KIRREL3: variants seen among roughly 807,000 people sequenced by gnomAD.
The protein encoded by KIRREL3 is kirre like nephrin family adhesion molecule 3.
KIRREL3 carries 36 observed loss-of-function variants against 89.7 expected under a neutral mutation model. That is an observed-to-expected ratio of 0.40 (90% CI 0.31 to 0.53). KIRREL3 has a LOEUF of 0.53. KIRREL3 is among the 20% of genes least tolerant of loss of function. The probability of loss-of-function intolerance (pLI) is 0.49; values close to 1 mark genes in which losing one functional copy is unlikely to be tolerated. For missense variants in KIRREL3, 864 were observed against 1,056.6 expected (o/e 0.82, Z 2.53); for synonymous variants, 445 against 441.4 (o/e 1.01, Z -0.10).
chr11:126,955,194 G>A lies in KIRREL3; in HGVS notation c.55+45261C>T, dbSNP rs1948887051. Among the ~76,000 whole-genome samples the A allele has an allele frequency of 6.6e-6, 1 of 152,188 alleles. No individual in the cohort carries two copies. Among genetic ancestry groups the A allele is most frequent in the African/African-American group, 2.4e-5 (1 of 41,448 alleles). The stretch of plus-strand genomic sequence containing the variant: ...TAGGGGAAGGGGCCAACAGGGTAAC[G>A]TGGTAATGAAGGAGATGGCAAAGTG... On this transcript the variant is annotated intron_variant, in intron 1 of 16. Coordinates refer to ENST00000525144, the MANE Select transcript of KIRREL3 (RefSeq NM_032531.4). This position sits in a 1 kb window ranked among gnomAD's most constrained non-coding sequence, Gnocchi z 4.6.
rs140253102 is a variant in KIRREL3 at position 126,694,106 on chromosome 11, T to G, written c.56-131194A>C. On this transcript the variant is annotated intron_variant, in intron 1 of 16. Coordinates refer to ENST00000525144, the MANE Select transcript of KIRREL3 (RefSeq NM_032531.4). The surrounding 1 kb of genome is among the most constrained non-coding windows in gnomAD (Gnocchi z 4.4). ...TGAATTGGCAAGTTGCAGCAGGAGATGGGAGCATGGGCTCCATCCCTAAGG... is the reference window on the plus strand; with the variant it reads ...TGAATTGGCAAGTTGCAGCAGGAGAGGGGAGCATGGGCTCCATCCCTAAGG... 1.3e-5 allele frequency among the ~76,000 whole-genome samples: 2 copies of G among 152,222 alleles called. No homozygotes were observed. Among genetic ancestry groups the G allele is most frequent in the Non-Finnish European group, 2.9e-5 (2 of 68,034 alleles).
rs538093773 is a variant in KIRREL3, at chr11:126,819,298, C to A, written c.55+181157G>T. Among the ~76,000 whole-genome samples, 20 of 152,320 alleles carry A rather than the reference C, an allele frequency of 1.3e-4. No individual in the cohort carries two copies. The South Asian group carries it at 4.1e-3, about 32-fold the overall frequency. On this transcript the variant is annotated intron_variant, in intron 1 of 16. Coordinates refer to ENST00000525144, the MANE Select transcript of KIRREL3 (RefSeq NM_032531.4). ...CTGAGAGGCACTAAGGCTTTCCCAGCAGAGGTTCAGCCCTACCAGAGCCGC... is the reference window on the plus strand; with the variant it reads ...CTGAGAGGCACTAAGGCTTTCCCAGAAGAGGTTCAGCCCTACCAGAGCCGC...
In KIRREL3 at chr11:126,786,644, T is replaced by C. The variant is rs185001367; in HGVS notation, c.55+213811A>G. Among the ~76,000 whole-genome samples, 577 of 152,346 alleles carry C rather than the reference T, an allele frequency of 3.8e-3. 4 individuals carry two copies. The highest frequency in any genetic ancestry group is 6.3e-3 in the Non-Finnish European group (427 of 68,038). On this transcript the variant is annotated intron_variant, in intron 1 of 16. Coordinates refer to ENST00000525144, the MANE Select transcript of KIRREL3 (RefSeq NM_032531.4). ...GGAAACTTTTTCTTATCAAAATGAC[T>C]GAAGTTTTGTCATTTAGGCTAGTTG...
chr11:126,721,586 A>C (rs1948173296), intron 1 of KIRREL3, among the ~76,000 whole-genome samples: 1 of 152,132 alleles, frequency 6.6e-6, no homozygotes. Context: ...CATGCAAGAC[A>C]TCTAACACAG....
chr11:126,573,502 C>T (rs905685697), intron 1 of KIRREL3, among the ~76,000 whole-genome samples: 3 of 137,930 alleles, frequency 2.2e-5, no homozygotes, highest in South Asian at 2.7e-4. Flanking sequence ...GGAAAGTAGG[C>T]GGTGGGGTTA....
intron 1 of KIRREL3, among the ~76,000 whole-genome samples, chr11:126,894,990 C>T (rs989828127): frequency 6.6e-6 from 1 of 152,096 alleles, no homozygotes; most frequent in Non-Finnish European, 1.5e-5. Flanking sequence ...ATTCCATCCT[C>T]TCTGGGGATT....
At chr11:126,865,267 A>G (rs1944880299) in intron 1 of KIRREL3, among the ~76,000 whole-genome samples, 1 of 152,248 alleles carries the variant, frequency 6.6e-6, no homozygotes, top group South Asian at 2.1e-4. Context: ...ATCGGCTAAA[A>G]GCAAATTGAC....
chr11:126,597,708 CAG>C (rs756246336), intron 1 of KIRREL3, among the ~76,000 whole-genome samples: 2 of 152,208 alleles, frequency 1.3e-5, no homozygotes, highest in African/African-American at 4.8e-5. Context: ...CAGTGAAAAA[CAG>C]AGCCCTTGTG....
chr11:126,902,441 T>C (rs1031234278), intron 1 of KIRREL3, among the ~76,000 whole-genome samples: 4 of 152,252 alleles, frequency 2.6e-5, no homozygotes, highest in Non-Finnish European at 5.9e-5. Context: ...TTATGGGATA[T>C]ATAGTTGCTC....
At chr11:126,648,338 T>C (rs796821801) in intron 1 of KIRREL3, among the ~76,000 whole-genome samples, 10 of 152,326 alleles carry the variant, frequency 6.6e-5, no homozygotes, top group African/African-American at 2.4e-4. Context: ...TTCCTGAAAC[T>C]CACCAGGCAT....
intron 1 of KIRREL3, among the ~76,000 whole-genome samples, chr11:126,779,880 A>T (rs560709191): frequency 6.6e-6 from 1 of 152,178 alleles, no homozygotes; most frequent in East Asian, 1.9e-4. Context: ...AATCAGCTGA[A>T]CCAAGTGCTT....
intron 1 of KIRREL3, among the ~76,000 whole-genome samples, chr11:126,842,816 T>G (rs545670415): frequency 1.1e-4 from 17 of 152,366 alleles, no homozygotes; most frequent in South Asian, 2.1e-4. Context: ...AATGTCCCTT[T>G]GAGCCCTGTC....
chr11:126,937,769 G>A (rs1948264368), intron 1 of KIRREL3, among the ~76,000 whole-genome samples: 1 of 152,198 alleles, frequency 6.6e-6, no homozygotes, highest in Non-Finnish European at 1.5e-5. Flanking sequence ...CGTGGTGGCA[G>A]GTGCCTGTAG....
In KIRREL3 at chr11:126,834,735, T is replaced by C. The variant is rs113967389; in HGVS notation, c.55+165720A>G. ...CCGGCGCACCTCATGCTGGACTGCA[T>C]AGAATGGCACTGCCAAAGCACTCTC... On this transcript the variant is annotated intron_variant, in intron 1 of 16. Coordinates refer to ENST00000525144, the MANE Select transcript of KIRREL3 (RefSeq NM_032531.4). Among the ~76,000 whole-genome samples, 426 of 152,370 alleles carry C rather than the reference T, an allele frequency of 2.8e-3. 1 individual carries two copies. The highest frequency in any genetic ancestry group is 9.5e-3 in the African/African-American group (396 of 41,594).
At chr11:126,644,141 T>G (rs1944574604) in intron 1 of KIRREL3, among the ~76,000 whole-genome samples, 1 of 152,122 alleles carries the variant, frequency 6.6e-6, no homozygotes, top group East Asian at 1.9e-4. Context: ...CTAAAATAAC[T>G]CTTGATTTAG....
rs898041154 is a variant in KIRREL3 at position 126,574,682 on chromosome 11, T to A, written c.56-11770A>T. Among the ~76,000 whole-genome samples the A allele has an allele frequency of 1.3e-5, 2 of 152,172 alleles. No homozygotes were observed. Among genetic ancestry groups the A allele is most frequent in the Admixed American group, 6.5e-5 (1 of 15,278 alleles). On this transcript the variant is annotated intron_variant, in intron 1 of 16. Coordinates refer to ENST00000525144, the MANE Select transcript of KIRREL3 (RefSeq NM_032531.4). This position sits in a 1 kb window ranked among gnomAD's most constrained non-coding sequence, Gnocchi z 5.3. ...GTGGCTGGGATAGTGTGTGCTTACATGTGTGCACGCATTTGGAGAAAGGGA... is the reference window on the plus strand; with the variant it reads ...GTGGCTGGGATAGTGTGTGCTTACAAGTGTGCACGCATTTGGAGAAAGGGA...
rs1223720297 is a variant in KIRREL3 at position 126,528,358 on chromosome 11, G to A, written c.134-1671C>T. ...AGCTCTCAGCAACAGATGACCCCAAGAGGGAGACACTTGGTGTGTATCAAC... is the reference window on the plus strand; with the variant it reads ...AGCTCTCAGCAACAGATGACCCCAAAAGGGAGACACTTGGTGTGTATCAAC... On this transcript the variant is annotated intron_variant, in intron 2 of 16. Coordinates refer to ENST00000525144, the MANE Select transcript of KIRREL3 (RefSeq NM_032531.4). The surrounding 1 kb of genome is among the most constrained non-coding windows in gnomAD (Gnocchi z 4.6). Among the ~76,000 whole-genome samples, 2 of 152,236 alleles carry A rather than the reference G, an allele frequency of 1.3e-5. No individual in the cohort carries two copies. The highest frequency in any genetic ancestry group is 2.9e-5 in the Non-Finnish European group (2 of 68,042).
chr11:126,955,185 C>G lies in KIRREL3; in HGVS notation c.55+45270G>C, dbSNP rs11602182. ...AGCATGAATTAGGGGAAGGGGCCAA[C>G]AGGGTAACGTGGTAATGAAGGAGAT... On this transcript the variant is annotated intron_variant, in intron 1 of 16. Coordinates refer to ENST00000525144, the MANE Select transcript of KIRREL3 (RefSeq NM_032531.4). The surrounding 1 kb of genome is among the most constrained non-coding windows in gnomAD (Gnocchi z 4.6). Among the ~76,000 whole-genome samples the G allele has an allele frequency of 0.46, 69,241 of 152,040 alleles. 16,402 individuals carry two copies. The highest frequency in any genetic ancestry group is 0.57 in the Middle Eastern group (167 of 294).
chr11:126,846,623 G>A (rs1944151284), intron 1 of KIRREL3, among the ~76,000 whole-genome samples: 1 of 151,292 alleles, frequency 6.6e-6, no homozygotes, highest in South Asian at 2.1e-4. Context: ...AAATTGCTAA[G>A]AGTTAACATT....
Sources: gnomAD v4.1 joint callset for allele counts (sites outside exome capture counted in the v4.1 genomes callset) on GRCh38, gnomAD v4.1.1 for gene constraint, Gnocchi (gnomAD v3.1) non-coding constraint, MANE v1.5 for transcripts, NCBI Gene and HGNC (gene_info 2026-07-23, HGNC 2026-07-21) for gene names.